RBFOX2: variants seen among roughly 807,000 people sequenced by gnomAD.
RBFOX2 encodes RNA binding protein fox-1 homolog 2.
RBFOX2 carries 10 observed loss-of-function variants against 49.1 expected under a neutral mutation model. That is an observed-to-expected ratio of 0.20 (90% CI 0.13 to 0.35). The LOEUF is 0.35. Among genes scored for constraint, RBFOX2 ranks in the 10% least tolerant of loss-of-function variants. The probability of loss-of-function intolerance (pLI) is 1.00; values close to 1 mark genes in which losing one functional copy is unlikely to be tolerated. For synonymous variants in RBFOX2, 183 were observed against 187.4 expected (o/e 0.98, Z 0.19); for missense variants, 323 against 486.9 (o/e 0.66, Z 3.17).
intron 1 of RBFOX2, chr22:35,824,305 A>T (rs754280440): frequency 6.6e-5 from 10 of 152,184 alleles, no homozygotes. Flanking sequence ...ACAAAAGAAA[A>T]CATCAAGTAT....
At chr22:35,798,837 A>G (rs1251847350) in intron 2 of RBFOX2, among the ~76,000 whole-genome samples, 1 of 152,170 alleles carries the variant, frequency 6.6e-6, no homozygotes, top group Non-Finnish European at 1.5e-5. Context: ...TTTAAGTGAA[A>G]GACTCAATAA....
chr22:35,950,260 C>T (rs1883734346), intron 1 of RBFOX2, among the ~76,000 whole-genome samples: 2 of 152,068 alleles, frequency 1.3e-5, no homozygotes, highest in South Asian at 4.2e-4. Context: ...ATTATCAGCT[C>T]CAAATTTACC....
intron 1 of RBFOX2, among the ~76,000 whole-genome samples, chr22:35,917,227 G>A (rs911713768): frequency 6.6e-6 from 1 of 152,224 alleles, no homozygotes; most frequent in African/African-American, 2.4e-5. Flanking sequence ...AAAAGAAGGG[G>A]AGGAAGAGAA....
Position 36,007,930 on chromosome 22 carries a change from T to A in RBFOX2, c.186+20310A>T, listed in dbSNP as rs79238172. ...ATGTACCTTATTTTATTTAGCAGAT[T>A]TCCTGTCAACGAGCATTTTTGTTTC... On this transcript the variant is annotated intron_variant, in intron 1 of 13. Coordinates refer to the RBFOX2 transcript ENST00000438146. Among the ~76,000 whole-genome samples the A allele has an allele frequency of 3.5e-3, 537 of 152,306 alleles. 1 individual carries two copies. Among genetic ancestry groups the A allele is most frequent in the African/African-American group, 0.011 (477 of 41,568 alleles).
At chr22:35,921,151 T>A (rs1355643216) in intron 1 of RBFOX2, among the ~76,000 whole-genome samples, 2 of 152,222 alleles carry the variant, frequency 1.3e-5, no homozygotes, top group African/African-American at 4.8e-5. Flanking sequence ...TACCACTTAT[T>A]CTATGTACGA....
chr22:35,880,301 A>G (rs1365719992), intron 1 of RBFOX2, among the ~76,000 whole-genome samples: 1 of 152,180 alleles, frequency 6.6e-6, no homozygotes, highest in Non-Finnish European at 1.5e-5. Flanking sequence ...CAAGTAACAG[A>G]AAGATGTCAT....
chr22:35,842,210 T>C (rs921949427), upstream of RBFOX2, among the ~76,000 whole-genome samples: 1 of 152,192 alleles, frequency 6.6e-6, no homozygotes, highest in African/African-American at 2.4e-5. Context: ...TGATGTAACA[T>C]AGTATATCAG....
intron 1 of RBFOX2, among the ~76,000 whole-genome samples, chr22:35,921,485 A>G (rs1305817861): frequency 1.3e-5 from 2 of 152,234 alleles, no homozygotes; most frequent in Non-Finnish European, 2.9e-5. Flanking sequence ...ATACTGCTCT[A>G]GGCAATAAGA....
intron 1 of RBFOX2, among the ~76,000 whole-genome samples, chr22:35,856,276 A>T (rs1454171512): frequency 6.6e-6 from 1 of 152,202 alleles, no homozygotes; most frequent in African/African-American, 2.4e-5. Flanking sequence ...CTGTACACCG[A>T]CATACAACCC....
intron 4 of RBFOX2, among the ~76,000 whole-genome samples, chr22:35,769,819 G>C (rs1003845361): frequency 6.6e-6 from 1 of 152,222 alleles, no homozygotes; most frequent in Admixed American, 6.5e-5. Context: ...TTGTTTTGAA[G>C]GATCTGATAA....
At chr22:35,843,292 G>A (rs748573491), upstream of RBFOX2, among the ~76,000 whole-genome samples, 5 of 152,186 alleles carry the variant, frequency 3.3e-5, no homozygotes, top group African/African-American at 7.2e-5. Flanking sequence ...GGGTGGGCAC[G>A]ATGAGATGTC....
chr22:35,938,991 G>T (rs1380973006), upstream of RBFOX2: 2 of 1,211,814 alleles, frequency 1.7e-6, no homozygotes, highest in Non-Finnish European at 2.4e-6. Flanking sequence ...ATAAATTCCT[G>T]CCCTGGTTCC....
intron 1 of RBFOX2, among the ~76,000 whole-genome samples, chr22:35,934,104 C>G (rs2052765990): frequency 6.6e-6 from 1 of 150,938 alleles, no homozygotes; most frequent in South Asian, 2.1e-4. Flanking sequence ...GAAAACCATA[C>G]AAATCTAGAT....
chr22:35,805,576 T>C (rs1950589334), intron 2 of RBFOX2, among the ~76,000 whole-genome samples: 1 of 152,130 alleles, frequency 6.6e-6, no homozygotes, highest in South Asian at 2.1e-4. Flanking sequence ...TGGTTTCTTA[T>C]AAAATTAAAC....
At chr22:35,821,837 C>CG (rs764481054) in intron 1 of RBFOX2, 2 of 518,804 alleles carry the variant, frequency 3.9e-6, no homozygotes, top group Non-Finnish European at 3.8e-6. Context: ...CTCCTGAGGC[C>CG]GCTGAAGGAA....
At chr22:35,771,046 TCTTTG>T (rs1415872608) in intron 4 of RBFOX2, among the ~76,000 whole-genome samples, 2 of 152,186 alleles carry the variant, frequency 1.3e-5, no homozygotes, top group African/African-American at 2.4e-5. Context: ...AAGATTTCTT[TCTTTG>T]CTTTGAAGAT....
chr22:35,918,411 A>C (rs763141744), intron 1 of RBFOX2, among the ~76,000 whole-genome samples: 1 of 152,198 alleles, frequency 6.6e-6, no homozygotes, highest in Non-Finnish European at 1.5e-5. Flanking sequence ...GGAGCCCTCC[A>C]AACTCTACAG....
intron 9 of RBFOX2, among the ~76,000 whole-genome samples, chr22:35,751,835 T>C (rs1269564123): frequency 6.6e-6 from 1 of 152,244 alleles, no homozygotes. Context: ...ATTATTTCTA[T>C]GGTAGATGAG....
At position 35,806,599 on chromosome 22, in the gene RBFOX2, A is replaced by C. The variant is rs187085694; in HGVS notation, c.252+3181T>G. Among the ~76,000 whole-genome samples, 204 of 152,350 alleles carry C rather than the reference A, an allele frequency of 1.3e-3. 1 individual carries two copies. Among genetic ancestry groups the C allele is most frequent in the African/African-American group, 4.5e-3 (189 of 41,578 alleles). Reference sequence around the variant, plus strand: ...AATAACTAAAGAAAAAATATCACAAATGGATGTAAAAGGTACAAAAATTAT... The same window carrying C: ...AATAACTAAAGAAAAAATATCACAACTGGATGTAAAAGGTACAAAAATTAT... On this transcript the variant is annotated intron_variant, in intron 2 of 11. Coordinates refer to ENST00000405409, the Ensembl canonical transcript of RBFOX2.
Sources: gnomAD v4.1 joint callset for allele counts (sites outside exome capture counted in the v4.1 genomes callset) on GRCh38, gnomAD v4.1.1 for gene constraint, MANE v1.5 for transcripts, NCBI Gene and HGNC (gene_info 2026-07-23, HGNC 2026-07-21) for gene names.